DLL1: variants seen among roughly 807,000 people sequenced by gnomAD.
DLL1 encodes delta-like protein 1.
A neutral mutation model predicts 75.1 loss-of-function variants in DLL1; 9 were observed. That is an observed-to-expected ratio of 0.12 (90% CI 0.07 to 0.21). DLL1 has a LOEUF of 0.21. Among genes scored for constraint, DLL1 ranks in the 10% least tolerant of loss-of-function variants. DLL1 has a pLI of 1.00. For synonymous variants in DLL1, 477 were observed against 418.3 expected (o/e 1.14, Z -1.71); for missense variants, 837 against 1,007.6 (o/e 0.83, Z 2.29).
At position 170,288,391 on chromosome 6, in the gene DLL1, T is replaced by A; in HGVS notation, c.518A>T (p.Tyr173Phe). ...TTCGTCACACACGAAGCGGTAGGAG[T>A]ACTTGAGGTCCGTGCGGCCGCTGCT... ...LHSSGRTDLK[Y>F]SYRFVCDEHY... The change falls in exon 4 of 11, where the codon TAC becomes TTC. Residue 173 changes from tyrosine (Y) to phenylalanine (F), a missense_variant. Around this residue, in one of 2 missense-constraint regions of DLL1, gnomAD observed 304 missense variants for 461.9 expected, o/e 0.66. Coordinates refer to ENST00000366756, the MANE Select transcript of DLL1 (RefSeq NM_005618.4). The A allele has an allele frequency of 1.2e-6, 2 of 1,613,670 alleles. No individual in the cohort carries two copies. The highest frequency in any genetic ancestry group is 8.5e-7 in the Non-Finnish European group (1 of 1,179,966).
rs1332107568 is a variant in DLL1, at chr6:170,283,781, C to T, written c.1498G>A (p.Gly500Ser). 4 of 1,594,426 alleles carry T rather than the reference C, an allele frequency of 2.5e-6. No individual in the cohort carries two copies. Among genetic ancestry groups the T allele is most frequent in the Middle Eastern group, 1.7e-4 (1 of 6,028 alleles). The change falls in exon 9 of 11, where the codon GGC (glycine) becomes AGC (serine). Residue 500 changes from glycine (G) to serine (S), a missense_variant. By Grantham distance (56) the Gly-to-Ser change is moderately conservative. This residue lies in a region of DLL1 where 533 missense variants were observed against 545.7 expected (regional missense o/e 0.98). Coordinates refer to ENST00000366756, the MANE Select transcript of DLL1 (RefSeq NM_005618.4). ...GCACACTCGCACACATAGCGGTGGC[C>T]CCTCTCGTGGCAGGTGGCCCCATTG... ...CHNGATCHER[G>S]HRYVCECARG...
In DLL1 at chr6:170,289,821, G is replaced by A; in HGVS notation, c.55-13C>T. The A allele has an allele frequency of 2.6e-6, 4 of 1,552,228 alleles. No individual in the cohort carries two copies. The highest frequency in any genetic ancestry group is 3.5e-6 in the Non-Finnish European group (4 of 1,147,840). On this transcript the variant is annotated splice_polypyrimidine_tract_variant and intron_variant, in intron 1 of 10. Coordinates refer to ENST00000366756, the MANE Select transcript of DLL1 (RefSeq NM_005618.4). Reference sequence around the variant, plus strand: ...CAGAGCTCCAGACCTGCACGGGGGAGGGCGGGGGCGTGAGGACGCGGGTCC... The same window carrying A: ...CAGAGCTCCAGACCTGCACGGGGGAAGGCGGGGGCGTGAGGACGCGGGTCC...
chr6:170,288,857 T>C (rs539187286), intron 2 of DLL1, 68 bp from the exon 3 acceptor site: 1 of 1,576,262 alleles, frequency 6.3e-7, no homozygotes, highest in South Asian at 1.1e-5. Flanking sequence ...CAAAAAGCAG[T>C]CATTCCTAAC....
Position 170,284,047 on chromosome 6 carries a change from G to A in DLL1, c.1250-18C>T. On this transcript the variant is annotated intron_variant, in intron 8 of 10. Coordinates refer to ENST00000366756, the MANE Select transcript of DLL1 (RefSeq NM_005618.4). ...CTTGGCACCTGGAACACAGGGACAT[G>A]AACATCACGTGTCTCCTCGTAGGTT... 6.4e-7 allele frequency: 1 copy of A among 1,553,164 alleles called. No homozygotes were observed. The highest frequency in any genetic ancestry group is 8.6e-7 in the Non-Finnish European group (1 of 1,157,424).
At chr6:170,286,827 G>A (rs1030993926) in intron 4 of DLL1, among the ~76,000 whole-genome samples, 4 of 148,706 alleles carry the variant, frequency 2.7e-5, no homozygotes, top group Admixed American at 6.7e-5. Context: ...ACACACACAC[G>A]CACACGCACC....
intron 4 of DLL1, 65 bp from the exon 5 acceptor site, chr6:170,286,363 T>C: frequency 2.5e-6 from 4 of 1,602,020 alleles, no homozygotes; most frequent in Non-Finnish European, 3.4e-6. Flanking sequence ...GCTGCCGCCC[T>C]TGGGGCCAGG....
At position 170,285,719 on chromosome 6, in the gene DLL1, C is replaced by T. The variant is rs1319379580; in HGVS notation, c.732-20G>A. 6.2e-7 allele frequency: 1 copy of T among 1,614,084 alleles called. No homozygotes were observed. On this transcript the variant is annotated intron_variant, in intron 5 of 10. Coordinates refer to ENST00000366756, the MANE Select transcript of DLL1 (RefSeq NM_005618.4). ...CTGCACCTTGGAGAAAAGCAGAAGA[C>T]TCAGATGGACGTTGACTGTTGCTGG... is the stretch of plus-strand genomic sequence containing the variant.
In DLL1 at chr6:170,288,453, G is replaced by A. The variant is rs1056940010; in HGVS notation, c.456C>T (p.His152=). ...RLISRLATQR[H]LTVGEEWSQD... is the part of the protein sequence containing the mutation. Reference sequence around the variant, plus strand: ...GGGACCACTCCTCGCCCACCGTCAGGTGCCTCTGGGTGGCCAGGCGGCTGA... The same window carrying A: ...GGGACCACTCCTCGCCCACCGTCAGATGCCTCTGGGTGGCCAGGCGGCTGA... Residue 152 remains histidine, a synonymous_variant, in exon 4 of 11, where the codon CAC becomes CAT. Transcript: ENST00000366756. The A allele has an allele frequency of 6.2e-7, 1 of 1,614,112 alleles. No homozygotes were observed. Among genetic ancestry groups the A allele is most frequent in the Non-Finnish European group, 8.5e-7 (1 of 1,180,048 alleles).
Position 170,285,089 on chromosome 6 carries a change from C to T in DLL1, c.1079G>A (p.Gly360Asp), listed in dbSNP as rs868075104. The T allele has an allele frequency of 6.2e-7, 1 of 1,614,026 alleles. No homozygotes were observed. Among genetic ancestry groups the T allele is most frequent in the African/African-American group, 1.3e-5 (1 of 74,918 alleles). ...CATGGCACTCAATTCACAGATTTTG[C>T]CGTAGAAGCCGGGTGGGCAGGTACA... ...YSCTCPPGFY[G>D]KICELSAMTC... The change falls in exon 8 of 11, where the codon GGC (glycine) becomes GAC (aspartate). Residue 360 changes from glycine to aspartate, a missense_variant. Transcript: ENST00000366756.
chr6:170,286,377 C>T, intron 4 of DLL1, 79 bp from the exon 5 acceptor site: 2 of 1,565,500 alleles, frequency 1.3e-6, no homozygotes, highest in South Asian at 1.1e-5. Flanking sequence ...GGCCAGGACA[C>T]AACTCGCCGG....
chr6:170,291,018 A>C lies in DLL1; in HGVS notation c.-879T>G, dbSNP rs1247988777. 5.7e-6 allele frequency: 4 copies of C among 701,660 alleles called. No homozygotes were observed. Among genetic ancestry groups the C allele is most frequent in the Non-Finnish European group, 1.0e-5 (4 of 384,600 alleles). The allele number at this position is 701,660 out of a possible 1,614,324, so 43.5% of individuals were successfully genotyped here. On this transcript the variant is annotated 5_prime_UTR_variant, in exon 1 of 11. Coordinates refer to ENST00000366756, the MANE Select transcript of DLL1 (RefSeq NM_005618.4). The stretch of plus-strand genomic sequence containing the variant: ...ATCAGCAGCCCCCCAATCTGGCGAG[A>C]GCTGTCACAAAGGAGCCACTTTTCC...
In DLL1 at chr6:170,290,899, C is replaced by G. The variant is rs1583158955; in HGVS notation, c.-760G>C. 1 of 691,850 alleles carries G rather than the reference C, an allele frequency of 1.4e-6. No individual in the cohort carries two copies. Among genetic ancestry groups the G allele is most frequent in the Non-Finnish European group, 2.6e-6 (1 of 379,468 alleles). 42.9% of individuals were successfully genotyped at this position (691,850 alleles called of 1,614,324 possible). A position where few individuals can be genotyped will look rare whatever the true frequency, so the allele number is the denominator to read the frequency against. On this transcript the variant is annotated 5_prime_UTR_variant, in exon 1 of 11. Coordinates refer to ENST00000366756, the MANE Select transcript of DLL1 (RefSeq NM_005618.4). The surrounding 1 kb of genome is among the most constrained non-coding windows in gnomAD (Gnocchi z 4.7). ...CCCTGCGCTCTGCCCTCGGCCGGGT[C>G]GGGTCTCCGCGGGTGCGCGCAGAGG... is the stretch of plus-strand genomic sequence containing the variant.
chr6:170,282,871 A>C lies in DLL1; in HGVS notation c.*3T>G. On this transcript the variant is annotated 3_prime_UTR_variant, in exon 11 of 11. Transcript: ENST00000366756. ...ACGGGAGTCTTGCCATCTCACTTCC[A>C]TTTTACACCTGGGGGGCCACAAGAC... The C allele has an allele frequency of 6.2e-7, 1 of 1,614,138 alleles. No individual in the cohort carries two copies. Among genetic ancestry groups the C allele is most frequent in the Non-Finnish European group, 8.5e-7 (1 of 1,180,050 alleles).
intron 1 of DLL1, 100 bp downstream of exon 1, chr6:170,289,986 G>T (rs1783816498): frequency 7.5e-7 from 1 of 1,339,370 alleles, no homozygotes; most frequent in Non-Finnish European, 9.5e-7. Context: ...TGGCTGGCGC[G>T]GCCCGTGCCG....
At chr6:170,289,313 A>G in intron 2 of DLL1, 199 bp downstream of exon 2, 1 of 889,388 alleles carries the variant, frequency 1.1e-6, no homozygotes, top group Non-Finnish European at 1.7e-6. Context: ...CCCCTCCTGC[A>G]GGCCGCGGGG....
chr6:170,284,398 G>A (rs965423820), intron 8 of DLL1, among the ~76,000 whole-genome samples: 2 of 151,174 alleles, frequency 1.3e-5, no homozygotes, highest in Admixed American at 1.3e-4. Context: ...CAAGTGAGAG[G>A]AGCAGGCACT....
intron 2 of DLL1, 147 bp from the exon 3 acceptor site, chr6:170,288,936 C>T (rs534072361): frequency 3.6e-6 from 3 of 836,050 alleles, no homozygotes; most frequent in African/African-American, 1.7e-5. Context: ...GGTCTCCACG[C>T]ACCTCCTGCC....
Position 170,285,869 on chromosome 6 carries a change from A to G in DLL1, c.732-170T>C, listed in dbSNP as rs549827158. Among the ~76,000 whole-genome samples, 5 of 152,314 alleles carry G rather than the reference A, an allele frequency of 3.3e-5. No individual in the cohort carries two copies. The South Asian group carries it at 1.0e-3, about 32-fold the overall frequency. Reference sequence around the variant, plus strand: ...GCAGCCTGGGCCTGGGCCCCACCAGAGGTTCTGGCTTCTTGGGTGTTAGGG... The same window carrying G: ...GCAGCCTGGGCCTGGGCCCCACCAGGGGTTCTGGCTTCTTGGGTGTTAGGG... On this transcript the variant is annotated intron_variant, in intron 5 of 10. Transcript: ENST00000366756.
In DLL1 at chr6:170,285,387, T is replaced by C. The variant is rs756097021; in HGVS notation, c.899A>G (p.Asn300Ser). 6.2e-7 allele frequency: 1 copy of C among 1,614,198 alleles called. No homozygotes were observed. Residue 300 changes from asparagine to serine, a missense_variant, in exon 7 of 11, where the codon AAT becomes AGT. Physicochemically the swap from Asn to Ser is conservative, Grantham distance 46. Coordinates refer to ENST00000366756, the MANE Select transcript of DLL1 (RefSeq NM_005618.4). ...NYCTHHKPCK[N>S]GATCTNTGQG... Reference sequence around the variant, plus strand: ...GCCCGTGTTGGTGCAGGTGGCTCCATTCTTGCAGGGCTTATGGTGTGTGCA... The same window carrying C: ...GCCCGTGTTGGTGCAGGTGGCTCCACTCTTGCAGGGCTTATGGTGTGTGCA...
Sources: gnomAD v4.1 joint callset for allele counts (sites outside exome capture counted in the v4.1 genomes callset) on GRCh38, gnomAD v4.1.1 for gene constraint, gnomAD v4.1.1 regional missense constraint, Gnocchi (gnomAD v3.1) non-coding constraint, MANE v1.5 for transcripts, NCBI Gene and HGNC (gene_info 2026-07-23, HGNC 2026-07-21) for gene names.